TARBP1: variants seen among roughly 807,000 people sequenced by gnomAD.
TARBP1 encodes the protein tRNA guanosine 2 -O-methyltransferase TARBP1, also known as tRNA (guanosine(18)-2'-O)-methyltransferase TARBP1.
A neutral mutation model predicts 178.6 loss-of-function variants in TARBP1; 144 were observed. That is an observed-to-expected ratio of 0.81 (90% confidence interval 0.70 to 0.93). The LOEUF (loss-of-function observed/expected upper bound fraction) is 0.93, where lower values mean the gene tolerates loss of function less well. Ranked by LOEUF, TARBP1 falls within the 40% of genes least tolerant of loss-of-function variation. TARBP1 has a pLI of 0.00. For missense variants in TARBP1, 2,067 were observed against 2,011.7 expected, an observed-to-expected ratio of 1.03 and a Z score of -0.53; for synonymous variants, 787 against 781.0, an observed-to-expected ratio of 1.01 and a Z score of -0.13.
chr1:234,411,940 TA>T lies in TARBP1; in HGVS notation c.3706-1410del, dbSNP rs200684196. 9.1e-3 allele frequency among the ~76,000 whole-genome samples: 1,392 copies of T among 152,346 alleles called. 25 individuals are homozygous for T. The highest frequency in any genetic ancestry group is 0.031 in the African/African-American group (1,302 of 41,572). Reference sequence around the variant, plus strand: ...TTTATTATTATTTAATTCCTTTATTTAATTAACAGTTACTGAATGTCTTCTA... The same window carrying T: ...TTTATTATTATTTAATTCCTTTATTTATTAACAGTTACTGAATGTCTTCTA... On this transcript the variant is annotated intron_variant, in intron 22 of 29. Transcript: ENST00000040877.
chr1:234,449,417 A>G (rs1225335865), intron 10 of TARBP1, among the ~76,000 whole-genome samples: 1 of 152,240 alleles, frequency 6.6e-6, no homozygotes, highest in Non-Finnish European at 1.5e-5. Flanking sequence ...CAATTCTAGT[A>G]TTTCAGCTGA....
chr1:234,416,049 G>C (rs554622532), intron 22 of TARBP1, among the ~76,000 whole-genome samples: 1 of 152,336 alleles, frequency 6.6e-6, no homozygotes, highest in African/African-American at 2.4e-5. Context: ...GTGAGAGGCT[G>C]AGCTAAGCAA....
chr1:234,433,543 T>C lies in TARBP1; in HGVS notation c.2261A>G (p.Tyr754Cys). The C allele has an allele frequency of 6.2e-7, 1 of 1,613,530 alleles. No homozygotes were observed. Among genetic ancestry groups the C allele is most frequent in the Non-Finnish European group, 8.5e-7 (1 of 1,179,904 alleles). Residue 754 changes from tyrosine (Y) to cysteine (C), a missense_variant, in exon 14 of 30, where the codon TAC becomes TGC. Tyr to Cys is a radical substitution (Grantham distance 194, BLOSUM62 -2). Transcript: ENST00000040877. ...SVSDLDRCHL[Y>C]LMVLTELINL... ...TATAAGCTCAGTTAACACCATCAGGTATAAATGGCAACGATCCAGATCTGA... is the reference window on the plus strand; with the variant it reads ...TATAAGCTCAGTTAACACCATCAGGCATAAATGGCAACGATCCAGATCTGA...
Position 234,393,756 on chromosome 1 carries a change from G to C in TARBP1, c.4325C>G (p.Ser1442Cys), listed in dbSNP as rs1054802780. The C allele has an allele frequency of 3.1e-6, 5 of 1,613,992 alleles. No homozygotes were observed. In the South Asian group the frequency reaches 5.5e-5, roughly 18 times the overall value. Residue 1442 changes from serine to cysteine, a missense_variant, in exon 27 of 30, where the codon TCC becomes TGC. Transcript: ENST00000040877. ...KKIIPWNSRV[S>C]DLDLELLFQD... ...AAACAGGAGCTCCAGGTCTAAGTCG[G>C]AAACACGACTGTTCCACGGGATAAT...
rs779245045 is a variant in TARBP1, at chr1:234,479,028, C to G, written c.76G>C (p.Gly26Arg). 1 of 1,532,748 alleles carries G rather than the reference C, an allele frequency of 6.5e-7. No individual in the cohort carries two copies. Among genetic ancestry groups the G allele is most frequent in the Admixed American group, 2.0e-5 (1 of 51,028 alleles). 94.9% of individuals were successfully genotyped at this position (1,532,748 alleles called of 1,614,324 possible). ...PRALLGALCQ[G>R]EASAERVETL... is the part of the protein sequence containing the mutation. ...TCCACGCGCTCCGCGGATGCCTCCCCTTGGCACAGCGCCCCAAGCAGGGCC... is the reference window on the plus strand; with the variant it reads ...TCCACGCGCTCCGCGGATGCCTCCCGTTGGCACAGCGCCCCAAGCAGGGCC... Residue 26 changes from glycine (G) to arginine (R), a missense_variant, in exon 1 of 30, where the codon GGG (glycine) becomes CGG (arginine). Transcript: ENST00000040877.
chr1:234,428,137 T>C (rs1663994164), intron 17 of TARBP1, among the ~76,000 whole-genome samples: 1 of 152,122 alleles, frequency 6.6e-6, no homozygotes, highest in African/African-American at 2.4e-5. Context: ...AACTATGTAC[T>C]GTGGGGCAGA....
intron 7 of TARBP1, among the ~76,000 whole-genome samples, chr1:234,459,767 G>A (rs45541537): frequency 0.15 from 22,359 of 149,730 alleles, 1,877 homozygotes; most frequent in Middle Eastern, 0.2. Flanking sequence ...AGCCGAGATC[G>A]CACCACTGCA....
chr1:234,425,610 A>G, intron 20 of TARBP1, 63 bp downstream of exon 20: 1 of 1,495,910 alleles, frequency 6.7e-7, no homozygotes, highest in Non-Finnish European at 9.2e-7. Flanking sequence ...CTAGCAACAT[A>G]AAGAGCAAAT....
intron 21 of TARBP1, among the ~76,000 whole-genome samples, chr1:234,419,807 GA>G (rs1208781515): frequency 6.6e-6 from 1 of 150,822 alleles, no homozygotes; most frequent in Non-Finnish European, 1.5e-5. Context: ...CTACTCCCCA[GA>G]AGCAATTCTT....
chr1:234,443,408 CA>C (rs1296713952), intron 12 of TARBP1, among the ~76,000 whole-genome samples: 2 of 151,982 alleles, frequency 1.3e-5, no homozygotes, highest in Non-Finnish European at 2.9e-5. Context: ...CAATCACAGT[CA>C]AAATCATGAT....
chr1:234,425,788 T>G lies in TARBP1; in HGVS notation c.3329A>C (p.Lys1110Thr). The G allele has an allele frequency of 1.3e-6, 2 of 1,559,140 alleles. No homozygotes were observed. The highest frequency in any genetic ancestry group is 1.7e-6 in the Non-Finnish European group (2 of 1,145,902). The part of the protein sequence containing the change: ...CAANIVMENT[K>T]REDHYVRICA... ...AATTCTCACATAATGGTCTTCTCTCTTAGTACTAAAAAAATTAAATGATAA... is the reference window on the plus strand; with the variant it reads ...AATTCTCACATAATGGTCTTCTCTCGTAGTACTAAAAAAATTAAATGATAA... Residue 1110 changes from lysine to threonine, a missense_variant, in exon 20 of 30, where the codon AAG (lysine) becomes ACG (threonine). By Grantham distance (78) the Lys-to-Thr change is moderately conservative (BLOSUM62 -1). Coordinates refer to ENST00000040877, the MANE Select transcript of TARBP1 (RefSeq NM_005646.4).
intron 1 of TARBP1, among the ~76,000 whole-genome samples, chr1:234,476,558 TAAG>T (rs1331422696): frequency 6.6e-6 from 1 of 152,160 alleles, no homozygotes; most frequent in Non-Finnish European, 1.5e-5. Context: ...GTTAAGAATT[TAAG>T]GAGGAATTCG....
chr1:234,444,768 C>G (rs1665979970), intron 12 of TARBP1, among the ~76,000 whole-genome samples: 1 of 151,968 alleles, frequency 6.6e-6, no homozygotes, highest in Non-Finnish European at 1.5e-5. Context: ...GCACCTACCT[C>G]TCTCTATCAG....
chr1:234,405,833 G>A, intron 24 of TARBP1, 70 bp downstream of exon 24: 1 of 1,427,016 alleles, frequency 7.0e-7, no homozygotes, highest in Non-Finnish European at 9.7e-7. Flanking sequence ...ACACAGTATG[G>A]GCACTGCCCC....
rs777800340 is a variant in TARBP1 at position 234,429,397 on chromosome 1, A to G, written c.2871+19T>C. 3.1e-6 allele frequency: 5 copies of G among 1,593,046 alleles called. No individual in the cohort carries two copies. In the South Asian group the frequency reaches 4.6e-5, roughly 15 times the overall value. ...CACTCCTATAGTTACTGTTCAATTC[A>G]TGTTTCACTCTATCTTACCTTGGGA... On this transcript the variant is annotated intron_variant, in intron 16 of 29. Coordinates refer to ENST00000040877, the MANE Select transcript of TARBP1 (RefSeq NM_005646.4).
chr1:234,393,954 G>A, intron 26 of TARBP1, 117 bp from the exon 27 acceptor site: 1 of 840,010 alleles, frequency 1.2e-6, no homozygotes, highest in Non-Finnish European at 1.7e-6. Flanking sequence ...AGATAATTTA[G>A]AATGAGACTT....
At chr1:234,467,741 CAA>C in intron 3 of TARBP1, 91 bp from the exon 4 acceptor site, 1 of 1,239,380 alleles carries the variant, frequency 8.1e-7, no homozygotes. Flanking sequence ...CAAACACACA[CAA>C]TAACTTCATT....
intron 1 of TARBP1, among the ~76,000 whole-genome samples, chr1:234,473,052 T>C (rs113753449): frequency 6.6e-5 from 10 of 152,222 alleles, no homozygotes; most frequent in African/African-American, 2.4e-4. Flanking sequence ...TAAACTCTAC[T>C]TTCTCTCCCT....
intron 6 of TARBP1, among the ~76,000 whole-genome samples, chr1:234,461,488 A>G (rs929942156): frequency 2.0e-5 from 3 of 152,054 alleles, no homozygotes; most frequent in Admixed American, 6.5e-5. Context: ...TTGTATTTTT[A>G]GTAGAGACGG....
Sources: gnomAD v4.1 joint callset for allele counts (sites outside exome capture counted in the v4.1 genomes callset) on GRCh38, gnomAD v4.1.1 for gene constraint, MANE v1.5 for transcripts, NCBI Gene and HGNC (gene_info 2026-07-23, HGNC 2026-07-21) for gene names.